UHRF2: variants seen among roughly 807,000 people sequenced by gnomAD.
UHRF2 encodes the protein ubiquitin like with PHD and ring finger domains 2.
UHRF2 carries 23 observed loss-of-function variants against 96.8 expected under a neutral mutation model. The ratio of observed to expected loss-of-function variants is 0.24; its 90% CI spans 0.17 to 0.34. The LOEUF is 0.34. UHRF2 is among the 10% of genes least tolerant of loss of function. The probability of loss-of-function intolerance (pLI) is 1.00; values close to 1 mark genes in which losing one functional copy is unlikely to be tolerated. For missense variants in UHRF2, 685 were observed against 981.5 expected (o/e 0.70, Z 4.04); for synonymous variants, 385 against 332.6 (o/e 1.16, Z -1.72).
At chr9:6,417,017 A>G (rs1819646979) in intron 1 of UHRF2, among the ~76,000 whole-genome samples, 1 of 152,154 alleles carries the variant, frequency 6.6e-6, no homozygotes, top group Non-Finnish European at 1.5e-5. Context: ...TATTTAAAGG[A>G]ATATCTATGT....
intron 4 of UHRF2, among the ~76,000 whole-genome samples, 156 bp downstream of exon 4, chr9:6,460,947 A>G (rs1190681658): frequency 6.6e-6 from 1 of 152,230 alleles, no homozygotes; most frequent in East Asian, 1.9e-4. Flanking sequence ...ATTCTTAAGA[A>G]TTTTTAAAAG....
Position 6,475,393 on chromosome 9 carries a change from G to T in UHRF2, c.866G>T (p.Gly289Val). Residue 289 changes from glycine (G) to valine (V), a missense_variant and splice_region_variant, in exon 5 of 16, where the codon GGT (glycine) becomes GTT (valine). Coordinates refer to ENST00000276893, the MANE Select transcript of UHRF2 (RefSeq NM_152896.3). ...ACCTTTCTTCCTTTTTTAAACAGGGGTTCTGAAGGAACATTAAATGACTGC... is the reference window on the plus strand; with the variant it reads ...ACCTTTCTTCCTTTTTTAAACAGGGTTTCTGAAGGAACATTAAATGACTGC... ...KELRVKIFLG[G>V]SEGTLNDCKI... 6 of 1,541,886 alleles carry T rather than the reference G, an allele frequency of 3.9e-6. No homozygotes were observed. Among genetic ancestry groups the T allele is most frequent in the Non-Finnish European group, 3.5e-6 (4 of 1,142,860 alleles).
At chr9:6,483,922 C>T (rs1042377359) in intron 8 of UHRF2, among the ~76,000 whole-genome samples, 1 of 152,146 alleles carries the variant, frequency 6.6e-6, no homozygotes, top group Admixed American at 6.5e-5. Flanking sequence ...CTCCCAACCT[C>T]GGGTGATCTG....
At chr9:6,449,084 T>A (rs1821696479) in intron 3 of UHRF2, among the ~76,000 whole-genome samples, 1 of 152,192 alleles carries the variant, frequency 6.6e-6, no homozygotes, top group Non-Finnish European at 1.5e-5. Flanking sequence ...CTTATATGAT[T>A]TCCATTGCAA....
At chr9:6,447,925 A>G (rs1024899639) in intron 3 of UHRF2, among the ~76,000 whole-genome samples, 3 of 152,160 alleles carry the variant, frequency 2.0e-5, no homozygotes, top group Admixed American at 6.5e-5. Context: ...GTGGAATAGA[A>G]CTAAAAACAA....
intron 2 of UHRF2, among the ~76,000 whole-genome samples, chr9:6,431,084 C>G (rs1366725596): frequency 6.6e-6 from 1 of 152,128 alleles, no homozygotes; most frequent in Non-Finnish European, 1.5e-5. Context: ...TCATACAGGC[C>G]TAAGTATTTT....
chr9:6,462,904 G>A (rs771422272), intron 4 of UHRF2, among the ~76,000 whole-genome samples: 5 of 150,626 alleles, frequency 3.3e-5, no homozygotes, highest in Admixed American at 1.3e-4. Context: ...GCTACAGAGC[G>A]AGACTCTGTC....
At chr9:6,495,187 G>A (rs1047001419) in intron 10 of UHRF2, 2 of 152,112 alleles carry the variant, frequency 1.3e-5, no homozygotes, top group African/African-American at 4.8e-5. Flanking sequence ...CCATTGTAAT[G>A]TACATGTTAA....
intron 4 of UHRF2, among the ~76,000 whole-genome samples, chr9:6,464,362 C>T (rs1822738413): frequency 6.6e-6 from 1 of 152,238 alleles, no homozygotes; most frequent in African/African-American, 2.4e-5. Flanking sequence ...GGCAAAAATA[C>T]TTTTTCTAAT....
intron 4 of UHRF2, among the ~76,000 whole-genome samples, chr9:6,462,845 A>G (rs971234322): frequency 3.9e-5 from 6 of 152,176 alleles, no homozygotes; most frequent in Non-Finnish European, 7.3e-5. Flanking sequence ...TGAACCCACG[A>G]GGCAGAGGTT....
chr9:6,445,981 C>CTTTTTTTTTTTTTTTTTT (rs57147850), intron 3 of UHRF2, among the ~76,000 whole-genome samples: 12 of 78,896 alleles, frequency 1.5e-4, no homozygotes, highest in African/African-American at 5.8e-4. Flanking sequence ...CCCCGCCACC[C>CTTTTTTTTTTTTTTTTTT]TTTTTTTTTT....
intron 3 of UHRF2, among the ~76,000 whole-genome samples, chr9:6,448,636 G>C (rs190286022): frequency 1.7e-4 from 26 of 152,342 alleles, no homozygotes; most frequent in African/African-American, 6.3e-4. Context: ...ATGGAGGCAA[G>C]TGAACTGTAT....
chr9:6,504,015 CTTTTTT>C (rs35325264), intron 14 of UHRF2, among the ~76,000 whole-genome samples: 3,920 of 78,756 alleles, frequency 0.05, 96 homozygotes, highest in Non-Finnish European at 0.058. Context: ...AAATAGAAGA[CTTTTTT>C]TTTTTTTTTT....
intron 3 of UHRF2, among the ~76,000 whole-genome samples, chr9:6,457,195 T>C (rs1822235648): frequency 6.6e-6 from 1 of 152,174 alleles, no homozygotes; most frequent in Non-Finnish European, 1.5e-5. Flanking sequence ...AGCAGTGGTT[T>C]GTAGTTCTTT....
chr9:6,502,306 A>G (rs1816332597), intron 14 of UHRF2, among the ~76,000 whole-genome samples: 1 of 151,964 alleles, frequency 6.6e-6, no homozygotes. Context: ...ACGTCTTGAT[A>G]CCCCTGGGCC....
chr9:6,429,799 A>G (rs1820468800), intron 2 of UHRF2, among the ~76,000 whole-genome samples: 2 of 152,246 alleles, frequency 1.3e-5, no homozygotes, highest in African/African-American at 4.8e-5. Flanking sequence ...TAACTTGTTC[A>G]TGGTTACACT....
At chr9:6,414,697 C>G (rs1408824127) in intron 1 of UHRF2, among the ~76,000 whole-genome samples, 2 of 152,150 alleles carry the variant, frequency 1.3e-5, no homozygotes, top group Non-Finnish European at 2.9e-5. Context: ...TAGAAGTAGC[C>G]TACAGTTGCA....
rs138330569 is a variant in UHRF2 at position 6,459,147 on chromosome 9, C to T, written c.645-1426C>T. ...CAGGTTGATGGGTGCAGCAAACCAC[C>T]GTGGCACCTGTATACCTAAGTAACA... On this transcript the variant is annotated intron_variant, in intron 3 of 15. Transcript: ENST00000276893. Among the ~76,000 whole-genome samples the T allele has an allele frequency of 1.6e-4, 25 of 152,186 alleles. 1 individual carries two copies. The East Asian group carries it at 4.8e-3, about 29-fold the overall frequency.
At chr9:6,485,921 T>G (rs561287224) in intron 8 of UHRF2, among the ~76,000 whole-genome samples, 3 of 151,102 alleles carry the variant, frequency 2.0e-5, no homozygotes, top group Admixed American at 2.0e-4. Flanking sequence ...CTTGTTTCAG[T>G]GAGGCAGGAA....
Sources: gnomAD v4.1 joint callset for allele counts (sites outside exome capture counted in the v4.1 genomes callset) on GRCh38, gnomAD v4.1.1 for gene constraint, MANE v1.5 for transcripts, NCBI Gene and HGNC (gene_info 2026-07-23, HGNC 2026-07-21) for gene names.